The following RALB variants were observed in gnomAD, a reference collection of about 807,000 sequenced individuals.
The protein encoded by RALB is ras-related protein Ral-B.
A neutral mutation model predicts 21.3 loss-of-function variants in RALB; 16 were observed. That is an observed-to-expected ratio of 0.75 (90% confidence interval 0.51 to 1.14). The LOEUF is 1.14. Ranked by LOEUF, RALB falls within the 50% of genes most tolerant of loss-of-function variation. The pLI is 0.00. For synonymous variants in RALB, 93 were observed against 96.1 expected (o/e 0.97, Z 0.19); for missense variants, 161 against 256.2 (o/e 0.63, Z 2.54).
In RALB at chr2:120,293,818, G is replaced by A. The variant is rs8706; in HGVS notation, c.*558G>A. The A allele has an allele frequency of 0.032, 7,097 of 219,830 alleles. 517 individuals carry two copies. The highest frequency in any genetic ancestry group is 0.15 in the African/African-American group (6,615 of 44,076). The allele number at this position is 219,830 out of a possible 1,614,324, so 13.6% of individuals were successfully genotyped here. ...AGCTAAAAAAATGAATTTGAATTGC[G>A]CCAGATAGGTCAATACCAAGCTTCT... On this transcript the variant is annotated 3_prime_UTR_variant, in exon 5 of 5. Coordinates refer to ENST00000272519, the MANE Select transcript of RALB (RefSeq NM_002881.3).
At chr2:120,267,260 A>G (rs181317729) in intron 1 of RALB, among the ~76,000 whole-genome samples, 2 of 152,326 alleles carry the variant, frequency 1.3e-5, no homozygotes, top group African/African-American at 4.8e-5. Flanking sequence ...ATTAGGGAAT[A>G]GAAATATCTA....
intron 1 of RALB, among the ~76,000 whole-genome samples, chr2:120,255,557 T>G (rs1182299163): frequency 6.6e-6 from 1 of 152,214 alleles, no homozygotes; most frequent in African/African-American, 2.4e-5. Context: ...TTCTTAGATA[T>G]TCCAAAAAGC....
intron 1 of RALB, among the ~76,000 whole-genome samples, chr2:120,256,551 G>A (rs1170646254): frequency 1.3e-5 from 2 of 152,018 alleles, no homozygotes; most frequent in African/African-American, 4.8e-5. Flanking sequence ...CAAGCGTCTG[G>A]CATTTCCCCT....
At chr2:120,269,185 G>GT (rs1193957522) in intron 1 of RALB, among the ~76,000 whole-genome samples, 2 of 152,214 alleles carry the variant, frequency 1.3e-5, no homozygotes, top group African/African-American at 4.8e-5. Context: ...TTTGTGGTGA[G>GT]TGTTACAGCT....
At chr2:120,269,686 C>T (rs1010982002) in intron 1 of RALB, among the ~76,000 whole-genome samples, 2 of 152,234 alleles carry the variant, frequency 1.3e-5, no homozygotes, top group East Asian at 1.9e-4. Context: ...CAAGTCTCCA[C>T]TCGACCCAGG....
intron 1 of RALB, among the ~76,000 whole-genome samples, chr2:120,269,401 G>A (rs1217440115): frequency 2.6e-5 from 4 of 152,202 alleles, no homozygotes; most frequent in Non-Finnish European, 5.9e-5. Context: ...CCACAGCGTG[G>A]AAGGTGACCT....
chr2:120,249,776 C>T (rs1432257809), upstream of RALB, among the ~76,000 whole-genome samples: 2 of 152,196 alleles, frequency 1.3e-5, no homozygotes, highest in Non-Finnish European at 1.5e-5. Context: ...CAGTTTCTAC[C>T]GCACTAGGAG....
chr2:120,242,999 A>T (rs1054346982), intron 1 of RALB, among the ~76,000 whole-genome samples: 1 of 152,180 alleles, frequency 6.6e-6, no homozygotes, highest in Non-Finnish European at 1.5e-5. Flanking sequence ...TGCCCTTGGC[A>T]TTGTATTATG....
intron 1 of RALB, among the ~76,000 whole-genome samples, chr2:120,245,261 G>C (rs138364493): frequency 5.9e-5 from 9 of 152,358 alleles, no homozygotes; most frequent in Non-Finnish European, 1.2e-4. Flanking sequence ...GGATATGGTT[G>C]TCAGGCATTC....
intron 1 of RALB, among the ~76,000 whole-genome samples, chr2:120,241,216 C>G (rs563543872): frequency 6.6e-6 from 1 of 152,316 alleles, no homozygotes; most frequent in Admixed American, 6.5e-5. Context: ...CAGAGGTGGC[C>G]CTGGCTGTAA....
chr2:120,261,668 G>T (rs11898472), intron 1 of RALB, among the ~76,000 whole-genome samples: 105,507 of 151,934 alleles, frequency 0.69, 37,229 homozygotes, highest in Middle Eastern at 0.8. Flanking sequence ...AAAACAGTGA[G>T]TGAGATGGAG....
intron 4 of RALB, among the ~76,000 whole-genome samples, chr2:120,291,164 A>G (rs1334514616): frequency 6.6e-6 from 1 of 152,256 alleles, no homozygotes; most frequent in Non-Finnish European, 1.5e-5. Flanking sequence ...GGCAAGATAC[A>G]TCTATTTGTA....
intron 1 of RALB, among the ~76,000 whole-genome samples, chr2:120,273,611 CTAT>C (rs1689720928): frequency 6.6e-6 from 1 of 152,198 alleles, no homozygotes; most frequent in Non-Finnish European, 1.5e-5. Flanking sequence ...TAGGGAGGGA[CTAT>C]TATTATCCTT....
chr2:120,262,146 C>T (rs1009633942), intron 1 of RALB, among the ~76,000 whole-genome samples: 6 of 152,078 alleles, frequency 3.9e-5, no homozygotes, highest in African/African-American at 1.4e-4. Flanking sequence ...AAGTCTGTAG[C>T]TGATAGTAAC....
intron 2 of RALB, among the ~76,000 whole-genome samples, chr2:120,284,533 G>A (rs1313169849): frequency 6.6e-6 from 1 of 152,056 alleles, no homozygotes; most frequent in African/African-American, 2.4e-5. Flanking sequence ...TGAGTAGCTG[G>A]GATTACAGGT....
intron 1 of RALB, among the ~76,000 whole-genome samples, chr2:120,276,551 C>T (rs559032657): frequency 6.6e-5 from 10 of 151,644 alleles, no homozygotes; most frequent in South Asian, 6.2e-4. Context: ...TGCAGTGAGC[C>T]GAGATCGTTC....
chr2:120,289,172 A>C (rs1433350252), intron 3 of RALB, among the ~76,000 whole-genome samples: 2 of 152,128 alleles, frequency 1.3e-5, no homozygotes, highest in Non-Finnish European at 2.9e-5. Context: ...TTTTCAGGGG[A>C]ATTAAGCATT....
At chr2:120,289,467 G>GA (rs1690254188) in intron 3 of RALB, 113 bp from the exon 4 acceptor site, 1 of 1,074,276 alleles carries the variant, frequency 9.3e-7, no homozygotes, top group African/African-American at 1.6e-5. Context: ...TAAATCTAGT[G>GA]ATTTTTTTTT....
upstream of RALB, among the ~76,000 whole-genome samples, chr2:120,249,003 T>C (rs568272173): frequency 4.0e-5 from 6 of 150,504 alleles, no homozygotes; most frequent in Non-Finnish European, 5.9e-5. Context: ...AATCAAAGCA[T>C]GTCAGCCTCC....
Sources: allele counts gnomAD v4.1 joint callset (sites outside exome capture counted in the v4.1 genomes callset), GRCh38; gene constraint gnomAD v4.1.1; transcripts MANE v1.5; gene names NCBI Gene and HGNC (gene_info 2026-07-23, HGNC 2026-07-21).